ZMAT4: variants seen among roughly 807,000 people sequenced by gnomAD.
ZMAT4 encodes the protein zinc finger matrin-type protein 4.
In ZMAT4, 17 loss-of-function variants were observed where a neutral mutation model predicts 28.7. That is an observed-to-expected ratio of 0.59 (90% confidence interval 0.41 to 0.89). The LOEUF is 0.89. Ranked by LOEUF, ZMAT4 falls within the 40% of genes least tolerant of loss-of-function variation. The pLI is 0.00. For missense variants in ZMAT4, 240 were observed against 283.8 expected (o/e 0.85, Z 1.11); for synonymous variants, 117 against 109.2 (o/e 1.07, Z -0.44).
At chr8:40,554,431 A>C (rs1207320461) in intron 6 of ZMAT4, among the ~76,000 whole-genome samples, 1 of 152,120 alleles carries the variant, frequency 6.6e-6, no homozygotes, top group Non-Finnish European at 1.5e-5. Context: ...CTGGGAATAC[A>C]CTGCGAAAAA....
At chr8:40,630,697 T>C (rs533605435) in intron 5 of ZMAT4, among the ~76,000 whole-genome samples, 24 of 152,348 alleles carry the variant, frequency 1.6e-4, no homozygotes, top group Non-Finnish European at 2.9e-4. Context: ...AGTTAATGCA[T>C]ACATGTGCAC....
intron 3 of ZMAT4, among the ~76,000 whole-genome samples, chr8:40,707,222 AC>A (rs71224847): frequency 2.2e-5 from 2 of 91,478 alleles, no homozygotes; most frequent in South Asian, 4.1e-4. Flanking sequence ...CTGCCCCCCC[AC>A]CCCCCCACCC....
intron 5 of ZMAT4, among the ~76,000 whole-genome samples, chr8:40,610,763 C>G (rs1805764644): frequency 1.3e-5 from 2 of 151,562 alleles, no homozygotes; most frequent in Admixed American, 1.3e-4. Context: ...CTCATGCCCT[C>G]TTGATTCTTT....
intron 5 of ZMAT4, among the ~76,000 whole-genome samples, chr8:40,616,783 G>A (rs1806023665): frequency 6.6e-6 from 1 of 151,682 alleles, no homozygotes; most frequent in African/African-American, 2.4e-5. Context: ...TATACCTAAT[G>A]CTAAATGACG....
At chr8:40,589,760 C>CTTTCTT (rs1563353939) in intron 5 of ZMAT4, among the ~76,000 whole-genome samples, 1 of 52,912 alleles carries the variant, frequency 1.9e-5, no homozygotes, top group Admixed American at 1.6e-4. Flanking sequence ...TTCTTTCTTT[C>CTTTCTT]TTTTTCTTTC....
rs1038093532 is a variant in ZMAT4 at position 40,553,438 on chromosome 8, C to T, written c.675-21200G>A. Among the ~76,000 whole-genome samples, 54 of 152,156 alleles carry T rather than the reference C, an allele frequency of 3.5e-4. 1 individual carries two copies. The highest frequency in any genetic ancestry group is 3.5e-3 in the Admixed American group (54 of 15,260). ...TAGAGGGTGGCATACTGCATTTCAG[C>T]TAGCTTCTGAATTTCTTGTGCCATC... On this transcript the variant is annotated intron_variant, in intron 6 of 6. Coordinates refer to ENST00000297737, the MANE Select transcript of ZMAT4 (RefSeq NM_024645.3).
chr8:40,571,191 A>G (rs1257798410), intron 6 of ZMAT4, among the ~76,000 whole-genome samples: 38 of 152,164 alleles, frequency 2.5e-4, no homozygotes, highest in Non-Finnish European at 2.9e-5. Context: ...GAAAGAATGA[A>G]CATGCTCCCC....
intron 1 of ZMAT4, among the ~76,000 whole-genome samples, chr8:40,896,196 G>A (rs937859707): frequency 6.6e-6 from 1 of 152,244 alleles, no homozygotes; most frequent in Non-Finnish European, 1.5e-5. Context: ...AAGAAAATAA[G>A]AATTAAAAAG....
rs1180860033 is a variant in ZMAT4 at position 40,826,890 on chromosome 8, C to T, written c.-4-1210G>A. 1.4e-4 allele frequency among the ~76,000 whole-genome samples: 21 copies of T among 152,272 alleles called. No individual in the cohort carries two copies. In the South Asian group the frequency reaches 3.3e-3, roughly 24 times the overall value. ...CCCTGGAAACACACCCCAGTGCATC[C>T]GATTCCTTCACCCAGCCCACAAACT... is the stretch of plus-strand genomic sequence containing the variant. On this transcript the variant is annotated intron_variant, in intron 1 of 6. Coordinates refer to ENST00000297737, the MANE Select transcript of ZMAT4 (RefSeq NM_024645.3).
chr8:40,777,464 C>T (rs565235731), intron 2 of ZMAT4, among the ~76,000 whole-genome samples: 1 of 152,300 alleles, frequency 6.6e-6, no homozygotes, highest in African/African-American at 2.4e-5. Flanking sequence ...GAGCCCTTTT[C>T]CTGTTGCCCC....
chr8:40,862,256 T>C (rs1476207309), intron 1 of ZMAT4, among the ~76,000 whole-genome samples: 2 of 151,770 alleles, frequency 1.3e-5, no homozygotes, highest in Non-Finnish European at 2.9e-5. Context: ...AAGGATGAGT[T>C]CATGTCCTTT....
intron 2 of ZMAT4, among the ~76,000 whole-genome samples, chr8:40,770,706 C>T (rs112615864): frequency 0.021 from 3,213 of 152,178 alleles, 103 homozygotes; most frequent in African/African-American, 0.074. Flanking sequence ...TGCCACCACG[C>T]CTGGCTAGTT....
At position 40,822,119 on chromosome 8, in the gene ZMAT4, G is replaced by A. The variant is rs547349761; in HGVS notation, c.102+3456C>T. 1.5e-4 allele frequency among the ~76,000 whole-genome samples: 23 copies of A among 152,306 alleles called. No individual in the cohort carries two copies. In the South Asian group the frequency reaches 3.3e-3, roughly 22 times the overall value. On this transcript the variant is annotated intron_variant, in intron 2 of 6. Transcript: ENST00000297737. ...TAACACTTTCTTTGTATCAAATTCC[G>A]TCAGTAGCTCCTTAAAAGCAGACAG...
intron 3 of ZMAT4, among the ~76,000 whole-genome samples, chr8:40,724,487 G>C (rs1811239279): frequency 6.6e-6 from 1 of 152,212 alleles, no homozygotes; most frequent in South Asian, 2.1e-4. Flanking sequence ...ATGACATCTA[G>C]CTTTTCAGTG....
chr8:40,702,524 C>T (rs1035796460), intron 3 of ZMAT4, among the ~76,000 whole-genome samples: 34 of 152,154 alleles, frequency 2.2e-4, no homozygotes, highest in Non-Finnish European at 8.8e-5. Context: ...AAAAAGTTTT[C>T]AGAAGAATTC....
chr8:40,674,080 C>CTTTTTTT (rs59753899), intron 5 of ZMAT4, among the ~76,000 whole-genome samples: 2 of 107,254 alleles, frequency 1.9e-5, no homozygotes, highest in Non-Finnish European at 1.8e-5. Flanking sequence ...TTTTTATCAT[C>CTTTTTTT]TTTTTTTTTT....
chr8:40,649,127 G>A (rs1807500017), intron 5 of ZMAT4, among the ~76,000 whole-genome samples: 1 of 103,932 alleles, frequency 9.6e-6, no homozygotes, highest in African/African-American at 2.9e-5. Flanking sequence ...GACACAGACT[G>A]GCAAATTGGA....
chr8:40,886,620 C>A (rs1490691565), intron 1 of ZMAT4, among the ~76,000 whole-genome samples: 7 of 152,132 alleles, frequency 4.6e-5, no homozygotes, highest in Non-Finnish European at 7.3e-5. Flanking sequence ...CTTATCACAC[C>A]AAAAGTCTAC....
At chr8:40,884,882 C>T (rs910901443) in intron 1 of ZMAT4, 1 of 152,248 alleles carries the variant, frequency 6.6e-6, no homozygotes, top group African/African-American at 2.4e-5. Flanking sequence ...TTCCGTGCTG[C>T]AGCAGCAATG....
Sources: allele counts gnomAD v4.1 joint callset (sites outside exome capture counted in the v4.1 genomes callset), GRCh38; gene constraint gnomAD v4.1.1; transcripts MANE v1.5; gene names NCBI Gene and HGNC (gene_info 2026-07-23, HGNC 2026-07-21).